The following ASXL3 variants were observed in gnomAD, a reference collection of about 807,000 sequenced individuals.
ASXL3 encodes the protein putative Polycomb group protein ASXL3.
Under a neutral mutation model 170.6 loss-of-function variants are expected in ASXL3, and 34 were observed. The ratio of observed to expected loss-of-function variants is 0.20; its 90% CI spans 0.15 to 0.27. The LOEUF is 0.27. ASXL3 is among the 10% of genes least tolerant of loss of function. The pLI is 1.00. For missense variants in ASXL3, 2,592 were observed against 2,695.3 expected (o/e 0.96, Z 0.85); for synonymous variants, 1,002 against 989.1 (o/e 1.01, Z -0.24).
chr18:33,635,263 A>G lies in ASXL3; in HGVS notation c.138-9631A>G, dbSNP rs116826627. ...GAAAAATAGTCAGCTTGTACAAGTC[A>G]TATAAGCTCTCTCTTTGGCATCCAA... On this transcript the variant is annotated intron_variant, in intron 2 of 11. Transcript: ENST00000269197. Among the ~76,000 whole-genome samples the G allele has an allele frequency of 3.0e-3, 463 of 152,348 alleles. 3 individuals are homozygous for G. Among genetic ancestry groups the G allele is most frequent in the African/African-American group, 0.011 (443 of 41,576 alleles).
At chr18:33,652,061 A>G (rs2066007120) in intron 4 of ASXL3, among the ~76,000 whole-genome samples, 1 of 152,114 alleles carries the variant, frequency 6.6e-6, no homozygotes, top group African/African-American at 2.4e-5. Flanking sequence ...TTTAGAGATC[A>G]AAGAATGATT....
At chr18:33,683,311 G>T in intron 7 of ASXL3, 94 bp from the exon 8 acceptor site, 6 of 1,090,632 alleles carry the variant, frequency 5.5e-6, no homozygotes, top group Non-Finnish European at 7.6e-6. Context: ...GAATATACAT[G>T]TTCACTAGAT....
intron 2 of ASXL3, among the ~76,000 whole-genome samples, chr18:33,624,772 G>A (rs2065574422): frequency 6.6e-6 from 1 of 152,084 alleles, no homozygotes; most frequent in Non-Finnish European, 1.5e-5. Context: ...TGTCTCTTAG[G>A]AGGTGCATAT....
intron 2 of ASXL3, among the ~76,000 whole-genome samples, chr18:33,618,494 T>G (rs1186190608): frequency 2.0e-5 from 3 of 152,146 alleles, no homozygotes; most frequent in Non-Finnish European, 4.4e-5. Flanking sequence ...GTTGTGGAGA[T>G]GTAGATATTA....
intron 8 of ASXL3, among the ~76,000 whole-genome samples, chr18:33,703,562 T>G (rs1372711364): frequency 2.6e-5 from 4 of 152,058 alleles, no homozygotes; most frequent in African/African-American, 7.2e-5. Flanking sequence ...GAACTCGAAG[T>G]TGGAAGGGAT....
At chr18:33,609,038 G>C in intron 2 of ASXL3, 1 of 984,966 alleles carries the variant, frequency 1.0e-6, no homozygotes, top group Non-Finnish European at 1.2e-6. Context: ...GTTTGTGCTA[G>C]TTGTTCCCCC....
At chr18:33,618,084 A>G (rs1026082753) in intron 2 of ASXL3, among the ~76,000 whole-genome samples, 3 of 152,112 alleles carry the variant, frequency 2.0e-5, no homozygotes, top group Non-Finnish European at 4.4e-5. Context: ...ACTTCTTTTT[A>G]TAGTTGATTT....
chr18:33,620,267 C>A (rs775626868), intron 2 of ASXL3, among the ~76,000 whole-genome samples: 1 of 152,040 alleles, frequency 6.6e-6, no homozygotes, highest in Non-Finnish European at 1.5e-5. Context: ...CAGTTTGTAG[C>A]TTAATTTGTG....
At chr18:33,722,428 A>G (rs1435722264) in intron 8 of ASXL3, among the ~76,000 whole-genome samples, 1 of 152,144 alleles carries the variant, frequency 6.6e-6, no homozygotes, top group Admixed American at 6.6e-5. Context: ...AAACACCTTT[A>G]TTGTTGATAT....
At chr18:33,597,799 A>C (rs1481173306) in intron 1 of ASXL3, among the ~76,000 whole-genome samples, 2 of 148,950 alleles carry the variant, frequency 1.3e-5, no homozygotes, top group African/African-American at 2.5e-5. Flanking sequence ...TCTACAAAAA[A>C]AAAAAAACAA....
At chr18:33,635,146 T>C (rs888245916) in intron 2 of ASXL3, among the ~76,000 whole-genome samples, 1 of 152,116 alleles carries the variant, frequency 6.6e-6, no homozygotes, top group African/African-American at 2.4e-5. Context: ...AAACTATTAC[T>C]AATTGCCCTT....
Position 33,744,375 on chromosome 18 carries a change from A to G in ASXL3, c.4527A>G (p.Ala1509=). The G allele has an allele frequency of 1.9e-6, 3 of 1,613,938 alleles. No individual in the cohort carries two copies. Among genetic ancestry groups the G allele is most frequent in the South Asian group, 1.1e-5 (1 of 91,084 alleles). The change falls in exon 12 of 12, where the codon GCA becomes GCG. Residue 1509 remains alanine (A), a synonymous_variant. Coordinates refer to ENST00000269197, the MANE Select transcript of ASXL3 (RefSeq NM_030632.3). ...AGGGCAGACCAGTGAGGACAGAGGC[A>G]TCCGTACAGCCCGTGGCGTGTCCTC... ...DLQGRPVRTE[A]SVQPVACPQV...
chr18:33,585,765 G>A lies in ASXL3; in HGVS notation c.54+7080G>A, dbSNP rs117717683. Among the ~76,000 whole-genome samples, 1,085 of 152,200 alleles carry A rather than the reference G, an allele frequency of 7.1e-3. 8 individuals are homozygous for A. Among genetic ancestry groups the A allele is most frequent in the Non-Finnish European group, 0.01 (687 of 68,016 alleles). ...TAGAATCTGAGGAATTCTCCAAGGCGGTGCAATTTAGACTCAGTGGACAGG... is the reference window on the plus strand; with the variant it reads ...TAGAATCTGAGGAATTCTCCAAGGCAGTGCAATTTAGACTCAGTGGACAGG... On this transcript the variant is annotated intron_variant, in intron 1 of 11. Transcript: ENST00000269197.
In ASXL3 at chr18:33,598,501, T is replaced by C. The variant is rs576411797; in HGVS notation, c.55-9093T>C. ...TTTATCTGCTCTGACAAACTCATGT[T>C]TCTTTCATTCAGCTAATGAGAGTTA... On this transcript the variant is annotated intron_variant, in intron 1 of 11. Coordinates refer to ENST00000269197, the MANE Select transcript of ASXL3 (RefSeq NM_030632.3). Among the ~76,000 whole-genome samples, 25 of 152,314 alleles carry C rather than the reference T, an allele frequency of 1.6e-4. No individual in the cohort carries two copies. In the South Asian group the frequency reaches 5.2e-3, roughly 32 times the overall value.
At chr18:33,588,931 A>AT (rs1295267754) in intron 1 of ASXL3, among the ~76,000 whole-genome samples, 2 of 151,860 alleles carry the variant, frequency 1.3e-5, no homozygotes, top group Non-Finnish European at 2.9e-5. Context: ...ACATTCTTAT[A>AT]TTTTTTTCTT....
At position 33,740,129 on chromosome 18, in the gene ASXL3, T is replaced by C; in HGVS notation, c.2725T>C (p.Ser909Pro). 6.2e-7 allele frequency: 1 copy of C among 1,613,874 alleles called. No individual in the cohort carries two copies. ...TAAATTACAGGACAAGCAATATATC[T>C]CATCAGTGGATAAGGCTCCATTTTC... ...SAKLQDKQYI[S>P]SVDKAPFSEG... Residue 909 changes from serine to proline, a missense_variant, in exon 11 of 12, where the codon TCA becomes CCA. Around this residue, in one of 4 missense-constraint regions of ASXL3, gnomAD observed 2,246 missense variants for 2,219.6 expected, o/e 1.01. Coordinates refer to ENST00000269197, the MANE Select transcript of ASXL3 (RefSeq NM_030632.3).
At chr18:33,679,973 T>C (rs74523096) in intron 7 of ASXL3, among the ~76,000 whole-genome samples, 94 of 152,114 alleles carry the variant, frequency 6.2e-4, no homozygotes, top group East Asian at 4.6e-3. Context: ...TCATTATTCT[T>C]TTCTGTTTAA....
At chr18:33,617,935 G>T (rs1011501228) in intron 2 of ASXL3, among the ~76,000 whole-genome samples, 1 of 151,994 alleles carries the variant, frequency 6.6e-6, no homozygotes, top group Non-Finnish European at 1.5e-5. Flanking sequence ...TTTTTTCTAA[G>T]TGGAGCTCTT....
In ASXL3 at chr18:33,744,185, G is replaced by A. The variant is rs1312820825; in HGVS notation, c.4337G>A (p.Arg1446Lys). Residue 1446 changes from arginine to lysine, a missense_variant, in exon 12 of 12, where the codon AGG becomes AAG. Physicochemically the swap from Arg to Lys is conservative, Grantham distance 26. Coordinates refer to ENST00000269197, the MANE Select transcript of ASXL3 (RefSeq NM_030632.3). ...SLDKNSGPRN[R>K]ADNSGKPQQP... is the part of the protein sequence containing the mutation. Reference sequence around the variant, plus strand: ...GACAAAAATTCAGGGCCTCGAAACAGGGCAGATAATTCTGGAAAACCTCAG... The same window carrying A: ...GACAAAAATTCAGGGCCTCGAAACAAGGCAGATAATTCTGGAAAACCTCAG... 2.5e-6 allele frequency: 4 copies of A among 1,613,814 alleles called. No homozygotes were observed. The African/African-American group carries it at 4.0e-5, about 16-fold the overall frequency.
Sources: allele counts gnomAD v4.1 joint callset (sites outside exome capture counted in the v4.1 genomes callset), GRCh38; gene constraint gnomAD v4.1.1; regional missense constraint gnomAD v4.1.1; transcripts MANE v1.5; gene names NCBI Gene and HGNC (gene_info 2026-07-23, HGNC 2026-07-21).